SLC9A9: variants seen among roughly 807,000 people sequenced by gnomAD.
SLC9A9 encodes solute carrier family 9 member A9.
A neutral mutation model predicts 77.8 loss-of-function variants in SLC9A9; 62 were observed. The ratio of observed to expected loss-of-function variants is 0.80; its 90% confidence interval spans 0.65 to 0.98. The LOEUF (loss-of-function observed/expected upper bound fraction) is 0.98, where lower values mean the gene tolerates loss of function less well. Ranked by LOEUF, SLC9A9 falls within the 50% of genes least tolerant of loss-of-function variation. The pLI, the probability that SLC9A9 is intolerant of heterozygous loss-of-function variation, is 0.00. For synonymous variants in SLC9A9, 320 were observed against 283.5 expected, an observed-to-expected ratio of 1.13 and a Z score of -1.29; for missense variants, 775 against 774.9, an observed-to-expected ratio of 1.00 and a Z score of 0.00.
At chr3:143,748,109 T>C (rs1012920687) in intron 4 of SLC9A9, among the ~76,000 whole-genome samples, 1 of 152,224 alleles carries the variant, frequency 6.6e-6, no homozygotes, top group Admixed American at 6.5e-5. Context: ...GTTTCAAGAA[T>C]TCCAAATTGA....
chr3:143,512,196 G>A (rs932390290), intron 9 of SLC9A9, among the ~76,000 whole-genome samples: 1 of 152,216 alleles, frequency 6.6e-6, no homozygotes, highest in Non-Finnish European at 1.5e-5. Flanking sequence ...ATTGCTTGGT[G>A]GCACTGAAAG....
intron 11 of SLC9A9, among the ~76,000 whole-genome samples, chr3:143,491,937 T>C (rs1357182881): frequency 6.6e-6 from 1 of 152,192 alleles, no homozygotes; most frequent in Non-Finnish European, 1.5e-5. Context: ...AGTTTACCTT[T>C]TGCTTTCTCA....
At chr3:143,383,737 T>C (rs2033356330) in intron 12 of SLC9A9, among the ~76,000 whole-genome samples, 2 of 152,182 alleles carry the variant, frequency 1.3e-5, no homozygotes, top group Admixed American at 1.3e-4. Context: ...ACCAGAGCCC[T>C]TCCTGTGAAT....
chr3:143,396,390 G>A (rs2033729351), intron 12 of SLC9A9, among the ~76,000 whole-genome samples: 2 of 152,170 alleles, frequency 1.3e-5, no homozygotes, highest in Admixed American at 6.5e-5. Flanking sequence ...GGTGGGAATT[G>A]AACCATGAGA....
intron 14 of SLC9A9, among the ~76,000 whole-genome samples, chr3:143,309,090 G>A (rs1412687586): frequency 6.6e-6 from 1 of 152,152 alleles, no homozygotes; most frequent in Admixed American, 6.5e-5. Flanking sequence ...GGCTTGCTAA[G>A]ATTCTATTTG....
chr3:143,598,540 T>G (rs1268369874), intron 6 of SLC9A9, among the ~76,000 whole-genome samples: 7 of 152,212 alleles, frequency 4.6e-5, no homozygotes, highest in Non-Finnish European at 1.0e-4. Context: ...GAATCACTAT[T>G]TACACTGTGA....
At chr3:143,406,262 G>T (rs907892982) in intron 12 of SLC9A9, among the ~76,000 whole-genome samples, 1 of 152,100 alleles carries the variant, frequency 6.6e-6, no homozygotes, top group Non-Finnish European at 1.5e-5. Context: ...CATAGAGAAA[G>T]CTTACTTATT....
rs140762778 is a variant in SLC9A9 at position 143,641,987 on chromosome 3, C to G, written c.755+10268G>C. Among the ~76,000 whole-genome samples the G allele has an allele frequency of 1.7e-4, 26 of 152,344 alleles. 1 individual carries two copies. Among genetic ancestry groups the G allele is most frequent in the African/African-American group, 6.0e-4 (25 of 41,588 alleles). The stretch of plus-strand genomic sequence containing the variant: ...TTTATGAATGTTTCTACCAATTTCT[C>G]TGCTCAATTCTCCTTGTTTCTCCCT... On this transcript the variant is annotated intron_variant, in intron 6 of 15. Transcript: ENST00000316549.
At chr3:143,817,151 T>A (rs1030861127) in intron 2 of SLC9A9, among the ~76,000 whole-genome samples, 51 of 148,416 alleles carry the variant, frequency 3.4e-4, no homozygotes, top group African/African-American at 1.1e-3. Context: ...TTTTATTTTT[T>A]TTTTTTTTGA....
intron 5 of SLC9A9, among the ~76,000 whole-genome samples, chr3:143,676,368 G>T (rs1576652442): frequency 6.6e-6 from 1 of 152,118 alleles, no homozygotes; most frequent in East Asian, 1.9e-4. Flanking sequence ...TAAATTAGAT[G>T]TTTAAAATGA....
At chr3:143,700,693 C>T (rs73009357) in intron 4 of SLC9A9, among the ~76,000 whole-genome samples, 1 of 152,196 alleles carries the variant, frequency 6.6e-6, no homozygotes, top group Non-Finnish European at 1.5e-5. Flanking sequence ...ACTCTAGTAC[C>T]TGGCTCCCAC....
chr3:143,724,260 G>A (rs112449946), intron 4 of SLC9A9, among the ~76,000 whole-genome samples: 2,747 of 152,192 alleles, frequency 0.018, 69 homozygotes, highest in African/African-American at 0.061. Flanking sequence ...TCATTCACAC[G>A]CTCTCTCTCC....
chr3:143,302,971 G>T lies in SLC9A9; in HGVS notation c.1605-33991C>A, dbSNP rs148966935. 3.3e-5 allele frequency among the ~76,000 whole-genome samples: 5 copies of T among 152,282 alleles called. No individual in the cohort carries two copies. In the East Asian group the frequency reaches 9.6e-4, roughly 29 times the overall value. ...CCCAGACATGCACTTCTAACACCACGGAGGGCTTCTTGGCAGCCTTCCCTG... is the reference window on the plus strand; with the variant it reads ...CCCAGACATGCACTTCTAACACCACTGAGGGCTTCTTGGCAGCCTTCCCTG... On this transcript the variant is annotated intron_variant, in intron 14 of 15. Transcript: ENST00000316549.
chr3:143,455,789 T>A, intron 12 of SLC9A9, among the ~76,000 whole-genome samples: 1 of 152,010 alleles, frequency 6.6e-6, no homozygotes, highest in African/African-American at 2.4e-5. Flanking sequence ...ATCACTTATT[T>A]CTAGAAGTTT....
chr3:143,474,824 G>T (rs564560275), intron 11 of SLC9A9, among the ~76,000 whole-genome samples: 1 of 152,046 alleles, frequency 6.6e-6, no homozygotes, highest in South Asian at 2.1e-4. Flanking sequence ...GTTTGTTCTT[G>T]CCTTGAGGCC....
intron 12 of SLC9A9, among the ~76,000 whole-genome samples, chr3:143,465,418 G>A (rs912614668): frequency 6.6e-6 from 1 of 152,172 alleles, no homozygotes; most frequent in Non-Finnish European, 1.5e-5. Flanking sequence ...ACACTTTAAG[G>A]GAGTTAGGTA....
chr3:143,411,635 CTAATTA>C (rs1445777892), intron 12 of SLC9A9, among the ~76,000 whole-genome samples: 2 of 152,178 alleles, frequency 1.3e-5, no homozygotes, highest in African/African-American at 4.8e-5. Context: ...TTCCTGTACT[CTAATTA>C]TATCTTTGTT....
At chr3:143,698,430 T>C (rs1454805663) in intron 4 of SLC9A9, among the ~76,000 whole-genome samples, 2 of 152,214 alleles carry the variant, frequency 1.3e-5, no homozygotes, top group Admixed American at 1.3e-4. Context: ...ACTCACAGGA[T>C]GGCAGTCATA....
chr3:143,688,111 C>A (rs1461343776), intron 5 of SLC9A9, among the ~76,000 whole-genome samples: 2 of 146,866 alleles, frequency 1.4e-5, no homozygotes, highest in Admixed American at 1.4e-4. Context: ...TCCTTTCTTT[C>A]TTCTCTCTCT....
Sources: gnomAD v4.1 joint callset for allele counts (sites outside exome capture counted in the v4.1 genomes callset) on GRCh38, gnomAD v4.1.1 for gene constraint, MANE v1.5 for transcripts, NCBI Gene and HGNC (gene_info 2026-07-23, HGNC 2026-07-21) for gene names.